Variants in PTPRO observed in about 807,000 individuals in gnomAD.
The protein encoded by PTPRO is receptor-type tyrosine-protein phosphatase O.
A neutral mutation model predicts 145.2 loss-of-function variants in PTPRO; 62 were observed. That is an observed-to-expected ratio of 0.43 (90% CI 0.35 to 0.53). The LOEUF (loss-of-function observed/expected upper bound fraction) is 0.53, where lower values mean the gene tolerates loss of function less well. PTPRO is among the 20% of genes least tolerant of loss of function. PTPRO has a pLI of 0.01. For synonymous variants in PTPRO, 565 were observed against 514.7 expected (o/e 1.10, Z -1.32); for missense variants, 1,345 against 1,482.7 (o/e 0.91, Z 1.53).
rs368557350 is a variant in PTPRO, at chr12:15,430,290, G to A, written c.76-53684G>A. On this transcript the variant is annotated intron_variant, in intron 1 of 26. Transcript: ENST00000281171. The stretch of plus-strand genomic sequence containing the variant: ...GCAGGCAGAAGAAGGGTGGCAGAAG[G>A]CAGCAATGGAGACTGAGGAGGGTGG... Among the ~76,000 whole-genome samples, 132 of 152,122 alleles carry A rather than the reference G, an allele frequency of 8.7e-4. 1 individual carries two copies. Among genetic ancestry groups the A allele is most frequent in the African/African-American group, 3.1e-3 (128 of 41,510 alleles).
At chr12:15,540,339 T>A (rs1943156359) in intron 12 of PTPRO, among the ~76,000 whole-genome samples, 5 of 152,250 alleles carry the variant, frequency 3.3e-5, no homozygotes, top group Admixed American at 3.3e-4. Context: ...TTAACATTTA[T>A]GCTTTGCATA....
At chr12:15,384,982 T>C (rs953140080) in intron 1 of PTPRO, among the ~76,000 whole-genome samples, 11 of 152,230 alleles carry the variant, frequency 7.2e-5, no homozygotes, top group African/African-American at 2.7e-4. Context: ...AATTGTTACA[T>C]TTGTGAACCA....
intron 12 of PTPRO, among the ~76,000 whole-genome samples, chr12:15,530,660 T>A (rs1942943847): frequency 6.6e-6 from 1 of 152,096 alleles, no homozygotes; most frequent in Non-Finnish European, 1.5e-5. Context: ...AAAGGAATTT[T>A]AAAAATTCTT....
At chr12:15,561,442 A>T (rs1943770057) in intron 17 of PTPRO, among the ~76,000 whole-genome samples, 1 of 152,144 alleles carries the variant, frequency 6.6e-6, no homozygotes, top group East Asian at 1.9e-4. Context: ...TAATTCCAGA[A>T]TTCATATCTT....
At chr12:15,372,159 C>T (rs751140568) in intron 1 of PTPRO, among the ~76,000 whole-genome samples, 11 of 152,062 alleles carry the variant, frequency 7.2e-5, no homozygotes, top group Admixed American at 1.3e-4. Context: ...ATGTGTCAAG[C>T]GTTTGTGGCA....
chr12:15,437,961 C>T (rs891914874), intron 1 of PTPRO, among the ~76,000 whole-genome samples: 4 of 152,150 alleles, frequency 2.6e-5, no homozygotes, highest in Non-Finnish European at 5.9e-5. Flanking sequence ...CAACCCATTG[C>T]CTGGGCAACA....
At chr12:15,454,737 A>G (rs1941132339) in intron 1 of PTPRO, among the ~76,000 whole-genome samples, 1 of 152,182 alleles carries the variant, frequency 6.6e-6, no homozygotes, top group Non-Finnish European at 1.5e-5. Flanking sequence ...AGTCTTCAAT[A>G]CATTTTGAAA....
At chr12:15,447,188 A>C (rs2136371085) in intron 1 of PTPRO, among the ~76,000 whole-genome samples, 1 of 152,284 alleles carries the variant, frequency 6.6e-6, no homozygotes. Context: ...AGTGAAATAG[A>C]ATAACAACAA....
At chr12:15,464,059 A>C (rs1941362150) in intron 1 of PTPRO, among the ~76,000 whole-genome samples, 1 of 152,194 alleles carries the variant, frequency 6.6e-6, no homozygotes, top group African/African-American at 2.4e-5. Context: ...AATCTCCCAG[A>C]AATTTTATAT....
chr12:15,404,364 T>A (rs1180457974), intron 1 of PTPRO, among the ~76,000 whole-genome samples: 1 of 152,202 alleles, frequency 6.6e-6, no homozygotes, highest in Non-Finnish European at 1.5e-5. Context: ...GCCTCTGTGA[T>A]TACTCATGGC....
At chr12:15,433,249 C>T (rs1328343489) in intron 1 of PTPRO, among the ~76,000 whole-genome samples, 1 of 150,400 alleles carries the variant, frequency 6.6e-6, no homozygotes, top group Admixed American at 6.6e-5. Context: ...GATCTCAGCT[C>T]ACTGCAACCT....
intron 1 of PTPRO, among the ~76,000 whole-genome samples, chr12:15,416,452 T>C (rs917951454): frequency 7.9e-5 from 12 of 151,370 alleles, no homozygotes; most frequent in African/African-American, 2.9e-4. Flanking sequence ...CCCGAGTAGC[T>C]GGGACTACAG....
intron 23 of PTPRO, among the ~76,000 whole-genome samples, chr12:15,586,089 A>G (rs1415699554): frequency 2.0e-5 from 3 of 152,118 alleles, no homozygotes; most frequent in Non-Finnish European, 4.4e-5. Flanking sequence ...TCACACAACA[A>G]CTCTTGTTAT....
At chr12:15,501,570 C>T (rs757903985) in intron 4 of PTPRO, 50 bp from the exon 5 acceptor site, 2 of 1,507,226 alleles carry the variant, frequency 1.3e-6, no homozygotes. Flanking sequence ...TAAGTATTCA[C>T]TCTAATTGAA....
At chr12:15,587,238 C>G in intron 24 of PTPRO, 187 bp downstream of exon 24, 3 of 654,050 alleles carry the variant, frequency 4.6e-6, no homozygotes, top group Non-Finnish European at 7.7e-6. Context: ...TATCTATACC[C>G]TATAAAATAG....
chr12:15,477,328 A>G (rs1941676730), intron 1 of PTPRO, among the ~76,000 whole-genome samples: 1 of 124,188 alleles, frequency 8.1e-6, no homozygotes, highest in East Asian at 2.7e-4. Context: ...AGGAAGGGGA[A>G]TATCACACTC....
At chr12:15,413,589 T>C (rs1939862758) in intron 1 of PTPRO, among the ~76,000 whole-genome samples, 1 of 152,124 alleles carries the variant, frequency 6.6e-6, no homozygotes. Context: ...CCAAGGTAGG[T>C]GGACCATTTG....
At chr12:15,593,515 G>A (rs887825011) in intron 25 of PTPRO, among the ~76,000 whole-genome samples, 1 of 152,142 alleles carries the variant, frequency 6.6e-6, no homozygotes, top group African/African-American at 2.4e-5. Flanking sequence ...ATGTATATAT[G>A]TGTGTTACTT....
chr12:15,485,791 A>C lies in PTPRO; in HGVS notation c.349+1544A>C, dbSNP rs938197578. ...TAGCATTTGCAATGAGTTCCATTCA[A>C]AATATATTCTATTTTCCTTTGTGAT... On this transcript the variant is annotated intron_variant, in intron 2 of 26. Coordinates refer to ENST00000281171, the MANE Select transcript of PTPRO (RefSeq NM_030667.3). Among the ~76,000 whole-genome samples the C allele has an allele frequency of 3.3e-5, 5 of 152,296 alleles. No homozygotes were observed. The East Asian group carries it at 9.6e-4, about 29-fold the overall frequency.
Sources: gnomAD v4.1 joint callset for allele counts (sites outside exome capture counted in the v4.1 genomes callset) on GRCh38, gnomAD v4.1.1 for gene constraint, MANE v1.5 for transcripts, NCBI Gene and HGNC (gene_info 2026-07-23, HGNC 2026-07-21) for gene names.